The following ANKH variants were observed in gnomAD, a reference collection of about 807,000 sequenced individuals.
ANKH encodes the protein mineralization regulator ANKH.
Under a neutral mutation model 49.0 loss-of-function variants are expected in ANKH, and 15 were observed. That is an observed-to-expected ratio of 0.31 (90% CI 0.20 to 0.47). The LOEUF (loss-of-function observed/expected upper bound fraction) is 0.47. ANKH is among the 20% of genes least tolerant of loss of function. The pLI, the probability that ANKH is intolerant of heterozygous loss-of-function variation, is 1.00. For missense variants in ANKH, 429 were observed against 652.0 expected (o/e 0.66, Z 3.72); for synonymous variants, 273 against 260.0 (o/e 1.05, Z -0.48).
At position 14,773,353 on chromosome 5, in the gene ANKH, C is replaced by CTTTTT. The variant is rs71603741; in HGVS notation, c.97-4167_97-4163dup. Among the ~76,000 whole-genome samples the CTTTTT allele has an allele frequency of 5.5e-3, 420 of 76,878 alleles. 9 individuals are homozygous for CTTTTT. Among genetic ancestry groups the CTTTTT allele is most frequent in the Middle Eastern group, 0.026 (2 of 78 alleles). The allele number at this position is 76,878 out of a possible 152,430, so 50.4% of individuals were successfully genotyped here. A position where few individuals can be genotyped will look rare whatever the true frequency, so the allele number is the denominator to read the frequency against. ...TTATGTGTCTTCTTGGCAAAGCATTCTTTTTTTTTTTTTTTTTTTTTTTTT... is the reference window on the plus strand; with the variant it reads ...TTATGTGTCTTCTTGGCAAAGCATTCTTTTTTTTTTTTTTTTTTTTTTTTTTTTTT... On this transcript the variant is annotated intron_variant, in intron 1 of 11. Coordinates refer to ENST00000284268, the MANE Select transcript of ANKH (RefSeq NM_054027.6).
At chr5:14,724,678 G>A in intron 8 of ANKH, 1 of 580,530 alleles carries the variant, frequency 1.7e-6, no homozygotes, top group Non-Finnish European at 2.2e-6. Flanking sequence ...GAGCTCCCCT[G>A]GGGACAATCT....
At chr5:14,712,056 A>C (rs896681582) in intron 11 of ANKH, among the ~76,000 whole-genome samples, 18 of 152,258 alleles carry the variant, frequency 1.2e-4, no homozygotes, top group Admixed American at 9.8e-4. Context: ...CTCAGTAATG[A>C]CCATCATTTC....
chr5:14,773,846 T>C (rs1291177485), intron 1 of ANKH, among the ~76,000 whole-genome samples: 2 of 152,210 alleles, frequency 1.3e-5, no homozygotes, highest in African/African-American at 2.4e-5. Flanking sequence ...AACGAATGAA[T>C]TGGCTATTTT....
chr5:14,796,112 C>T (rs1411601674), intron 1 of ANKH, among the ~76,000 whole-genome samples: 3 of 151,616 alleles, frequency 2.0e-5, no homozygotes, highest in Non-Finnish European at 2.9e-5. Context: ...CTTTTGGGTA[C>T]AGGCATATTC....
intron 1 of ANKH, among the ~76,000 whole-genome samples, chr5:14,803,175 G>A (rs931398395): frequency 2.0e-5 from 3 of 152,184 alleles, no homozygotes; most frequent in African/African-American, 7.2e-5. Flanking sequence ...GTCAGGTGGT[G>A]GAAAAGTTTG....
At chr5:14,788,999 C>T (rs982570657) in intron 1 of ANKH, among the ~76,000 whole-genome samples, 11 of 152,118 alleles carry the variant, frequency 7.2e-5, no homozygotes, top group African/African-American at 1.7e-4. Flanking sequence ...GAGGCCGAGG[C>T]GGGTGGATCA....
chr5:14,821,928 G>C (rs905172265), intron 1 of ANKH, among the ~76,000 whole-genome samples: 4 of 152,128 alleles, frequency 2.6e-5, no homozygotes, highest in African/African-American at 9.7e-5. Flanking sequence ...CCCTGCTATG[G>C]AACAGCATTT....
chr5:14,799,438 C>A (rs1005108179), intron 1 of ANKH, among the ~76,000 whole-genome samples: 1 of 152,204 alleles, frequency 6.6e-6, no homozygotes. Flanking sequence ...AAGGTGTCAT[C>A]TAGGACTTTC....
At chr5:14,724,421 T>C (rs1561025246) in intron 8 of ANKH, 1 of 370,284 alleles carries the variant, frequency 2.7e-6, no homozygotes, top group Non-Finnish European at 3.7e-6. Context: ...TTGACTTTTA[T>C]TTCTAAATCT....
intron 8 of ANKH, among the ~76,000 whole-genome samples, chr5:14,733,426 C>T (rs1738067309): frequency 1.3e-5 from 2 of 152,228 alleles, no homozygotes; most frequent in Admixed American, 1.3e-4. Flanking sequence ...AAAAGCACTT[C>T]ACAAGCACTG....
intron 1 of ANKH, among the ~76,000 whole-genome samples, chr5:14,867,155 CAAA>C (rs774841903): frequency 2.5e-4 from 17 of 69,272 alleles, no homozygotes; most frequent in African/African-American, 3.7e-4. Flanking sequence ...GACTCAGTCT[CAAA>C]AAAAAAAAAA....
chr5:14,770,758 G>A lies in ANKH; in HGVS notation c.97-1567C>T, dbSNP rs554104000. 1.8e-4 allele frequency among the ~76,000 whole-genome samples: 28 copies of A among 152,202 alleles called. No homozygotes were observed. Among genetic ancestry groups the A allele is most frequent in the Non-Finnish European group, 3.5e-4 (24 of 68,028 alleles). ...TGTAACCATGGATAGTAAAACTGTGGATAGGGGTGACTAGTGTAATGTAGT... is the reference window on the plus strand; with the variant it reads ...TGTAACCATGGATAGTAAAACTGTGAATAGGGGTGACTAGTGTAATGTAGT... On this transcript the variant is annotated intron_variant, in intron 1 of 11. Coordinates refer to ENST00000284268, the MANE Select transcript of ANKH (RefSeq NM_054027.6). The surrounding 1 kb of genome is among the most constrained non-coding windows in gnomAD (Gnocchi z 4.1).
At chr5:14,761,067 A>G (rs1302892038) in intron 2 of ANKH, among the ~76,000 whole-genome samples, 1 of 152,162 alleles carries the variant, frequency 6.6e-6, no homozygotes, top group African/African-American at 2.4e-5. Flanking sequence ...CACAGGGAGA[A>G]CTCAGTGTGA....
chr5:14,721,235 C>T (rs965582165), intron 8 of ANKH, among the ~76,000 whole-genome samples: 1 of 152,172 alleles, frequency 6.6e-6, no homozygotes, highest in Non-Finnish European at 1.5e-5. Flanking sequence ...TAAAATTCCA[C>T]GGTATGATCC....
intron 8 of ANKH, among the ~76,000 whole-genome samples, chr5:14,740,630 G>A (rs1738324518): frequency 6.6e-6 from 1 of 152,212 alleles, no homozygotes; most frequent in Non-Finnish European, 1.5e-5. Flanking sequence ...GATGGGCACT[G>A]CCCTTGTGAC....
At chr5:14,719,694 G>A (rs1365899069) in intron 8 of ANKH, among the ~76,000 whole-genome samples, 1 of 152,178 alleles carries the variant, frequency 6.6e-6, no homozygotes, top group Non-Finnish European at 1.5e-5. Context: ...AGGGCTCAGC[G>A]TCAGAGTTTA....
At position 14,770,581 on chromosome 5, in the gene ANKH, T is replaced by A. The variant is rs571471759; in HGVS notation, c.97-1390A>T. 6.6e-6 allele frequency among the ~76,000 whole-genome samples: 1 copy of A among 152,350 alleles called. No individual in the cohort carries two copies. Among genetic ancestry groups the A allele is most frequent in the Admixed American group, 6.5e-5 (1 of 15,310 alleles). ...ATGTGGTCTTTCTCTCAAAATATCT[T>A]ACTGTACTCCTTGTGATGAGGAAGA... On this transcript the variant is annotated intron_variant, in intron 1 of 11. Transcript: ENST00000284268. This position sits in a 1 kb window ranked among gnomAD's most constrained non-coding sequence, Gnocchi z 4.1.
intron 8 of ANKH, among the ~76,000 whole-genome samples, chr5:14,720,867 A>T (rs1737637435): frequency 6.6e-6 from 1 of 152,250 alleles, no homozygotes; most frequent in Non-Finnish European, 1.5e-5. Flanking sequence ...CTTCAGTTAC[A>T]AGAACCAAGG....
intron 11 of ANKH, among the ~76,000 whole-genome samples, chr5:14,711,646 T>G (rs1354606804): frequency 6.6e-6 from 1 of 152,192 alleles, no homozygotes; most frequent in Non-Finnish European, 1.5e-5. Context: ...TGTAGACTGC[T>G]TCTCCTTCCT....
Sources: allele counts gnomAD v4.1 joint callset (sites outside exome capture counted in the v4.1 genomes callset), GRCh38; gene constraint gnomAD v4.1.1; non-coding constraint Gnocchi (gnomAD v3.1); transcripts MANE v1.5; gene names NCBI Gene and HGNC (gene_info 2026-07-23, HGNC 2026-07-21).